The following SOX6 variants were observed in gnomAD, a reference collection of about 807,000 sequenced individuals.
SOX6 encodes the protein transcription factor SOX-6.
A neutral mutation model predicts 97.8 loss-of-function variants in SOX6; 11 were observed. The ratio of observed to expected loss-of-function variants is 0.11; its 90% CI spans 0.07 to 0.19. The LOEUF (loss-of-function observed/expected upper bound fraction) is 0.19. SOX6 is among the 10% of genes least tolerant of loss of function. The probability of loss-of-function intolerance (pLI) is 1.00; values close to 1 mark genes in which losing one functional copy is unlikely to be tolerated. For missense variants in SOX6, 810 were observed against 1,039.5 expected (o/e 0.78, Z 3.04); for synonymous variants, 360 against 371.4 (o/e 0.97, Z 0.35).
chr11:16,365,478 A>G (rs916342737), intron 1 of SOX6, among the ~76,000 whole-genome samples: 4 of 152,132 alleles, frequency 2.6e-5, no homozygotes, highest in African/African-American at 9.7e-5. Flanking sequence ...CACCAACCAC[A>G]AAAACAACAT....
intron 3 of SOX6, among the ~76,000 whole-genome samples, chr11:16,286,045 A>C (rs567060574): frequency 6.6e-6 from 1 of 152,342 alleles, no homozygotes; most frequent in South Asian, 2.1e-4. Flanking sequence ...TCACAAATTC[A>C]GGAAACTGAG....
chr11:16,472,856 C>A (rs1860163665), intron 1 of SOX6, among the ~76,000 whole-genome samples: 1 of 151,890 alleles, frequency 6.6e-6, no homozygotes, highest in Non-Finnish European at 1.5e-5. Context: ...TCCTTTATAG[C>A]AGTACACTAA....
At chr11:16,728,203 C>A (rs900067081) in intron 2 of SOX6, among the ~76,000 whole-genome samples, 2 of 152,192 alleles carry the variant, frequency 1.3e-5, no homozygotes, top group Non-Finnish European at 2.9e-5. Flanking sequence ...TTCTGAGAGA[C>A]CCCCAGCATA....
In SOX6 at chr11:16,064,897, C is replaced by G. The variant is rs925999639; in HGVS notation, c.1102-8996G>C. ...TAATAAAAGCCGTATATGACAGACA[C>G]ACAGCAAATACCATACTCAATGGAG... On this transcript the variant is annotated intron_variant, in intron 9 of 15. Transcript: ENST00000683767. Among the ~76,000 whole-genome samples, 20 of 152,010 alleles carry G rather than the reference C, an allele frequency of 1.3e-4. No homozygotes were observed. In the East Asian group the frequency reaches 3.1e-3, roughly 24 times the overall value.
intron 3 of SOX6, among the ~76,000 whole-genome samples, chr11:16,637,577 G>C (rs956538309): frequency 6.6e-6 from 1 of 152,156 alleles, no homozygotes; most frequent in Non-Finnish European, 1.5e-5. Flanking sequence ...AACTGCTTTA[G>C]TTAGATCCCA....
chr11:16,022,578 C>CT (rs913740652), intron 12 of SOX6, among the ~76,000 whole-genome samples: 44 of 151,940 alleles, frequency 2.9e-4, no homozygotes, highest in Non-Finnish European at 5.9e-4. Flanking sequence ...ACCCGGCTAA[C>CT]TTTTTTGTAT....
At chr11:16,382,608 T>C (rs761154732) in intron 1 of SOX6, among the ~76,000 whole-genome samples, 3 of 152,028 alleles carry the variant, frequency 2.0e-5, no homozygotes, top group Non-Finnish European at 4.4e-5. Context: ...TATAGTATCA[T>C]ATTTTCAAAA....
chr11:16,475,032 G>A (rs887120508), intron 1 of SOX6, among the ~76,000 whole-genome samples: 7 of 152,132 alleles, frequency 4.6e-5, no homozygotes, highest in African/African-American at 1.7e-4. Context: ...TAAACCTTGT[G>A]AACCAATCTC....
intron 1 of SOX6, among the ~76,000 whole-genome samples, chr11:16,423,841 G>A (rs1464701925): frequency 6.6e-6 from 1 of 152,146 alleles, no homozygotes; most frequent in African/African-American, 2.4e-5. Flanking sequence ...AAACAGCATA[G>A]AAAGAACTAA....
intron 2 of SOX6, among the ~76,000 whole-genome samples, chr11:16,726,309 C>T (rs988114308): frequency 1.3e-5 from 2 of 152,170 alleles, no homozygotes; most frequent in Non-Finnish European, 2.9e-5. Flanking sequence ...CCCAGCTACG[C>T]AGGAGGCTGG....
intron 6 of SOX6, among the ~76,000 whole-genome samples, chr11:16,126,669 T>C (rs555182264): frequency 6.6e-6 from 1 of 152,260 alleles, no homozygotes; most frequent in South Asian, 2.1e-4. Flanking sequence ...CTGAGACAAA[T>C]GTGGTTAAAC....
intron 3 of SOX6, among the ~76,000 whole-genome samples, chr11:16,241,705 C>A (rs1232236378): frequency 2.0e-5 from 3 of 151,918 alleles, no homozygotes; most frequent in African/African-American, 7.2e-5. Context: ...ATCAGAATTA[C>A]TTGCTGGAAC....
intron 1 of SOX6, among the ~76,000 whole-genome samples, chr11:16,439,201 T>C (rs1363014551): frequency 6.6e-6 from 1 of 152,190 alleles, no homozygotes. Context: ...ACTATTCACA[T>C]TTCTCCTATT....
intron 15 of SOX6, among the ~76,000 whole-genome samples, chr11:15,985,971 G>A (rs1318083329): frequency 6.6e-6 from 1 of 152,148 alleles, no homozygotes; most frequent in Non-Finnish European, 1.5e-5. Context: ...GGGAGACAAT[G>A]ACAGGGGTGA....
chr11:16,681,547 G>A (rs573146614), intron 3 of SOX6, among the ~76,000 whole-genome samples: 1 of 152,084 alleles, frequency 6.6e-6, no homozygotes, highest in Non-Finnish European at 1.5e-5. Context: ...ACAATTAAAA[G>A]ACCTAGAGAA....
At chr11:16,449,355 C>CCATCTCGG (rs1216174711) in intron 1 of SOX6, among the ~76,000 whole-genome samples, 1 of 133,226 alleles carries the variant, frequency 7.5e-6, no homozygotes, top group African/African-American at 2.9e-5. Context: ...TGCAGTGGAG[C>CCATCTCGG]CATCTCGGCT....
At chr11:16,733,718 A>G (rs1423419145) in intron 2 of SOX6, among the ~76,000 whole-genome samples, 2 of 111,730 alleles carry the variant, frequency 1.8e-5, no homozygotes, top group African/African-American at 6.3e-5. Context: ...CCAGAACTTA[A>G]AGTATAAAAA....
At chr11:16,244,056 G>C (rs1853269042) in intron 3 of SOX6, among the ~76,000 whole-genome samples, 1 of 151,588 alleles carries the variant, frequency 6.6e-6, no homozygotes, top group Non-Finnish European at 1.5e-5. Flanking sequence ...GTAAAATTGG[G>C]GAGCTATGTG....
intron 6 of SOX6, among the ~76,000 whole-genome samples, chr11:16,131,575 C>T (rs897720852): frequency 1.3e-5 from 2 of 152,030 alleles, no homozygotes; most frequent in African/African-American, 2.4e-5. Context: ...TAAAGCCCTA[C>T]AATTAATCCA....
Sources: allele counts gnomAD v4.1 joint callset (sites outside exome capture counted in the v4.1 genomes callset), GRCh38; gene constraint gnomAD v4.1.1; transcripts MANE v1.5; gene names NCBI Gene and HGNC (gene_info 2026-07-23, HGNC 2026-07-21).